DHRS4: variants seen among roughly 807,000 people sequenced by gnomAD.
The protein encoded by DHRS4 is dehydrogenase/reductase 4.
In DHRS4, 20 loss-of-function variants were observed where a neutral mutation model predicts 28.4. The ratio of observed to expected loss-of-function variants is 0.71; its 90% CI spans 0.50 to 1.02. The LOEUF (loss-of-function observed/expected upper bound fraction) is 1.02. Ranked by LOEUF, DHRS4 falls within the 50% of genes least tolerant of loss-of-function variation. DHRS4 has a pLI of 0.00. For missense variants in DHRS4, 378 were observed against 367.2 expected (o/e 1.03, Z -0.24); for synonymous variants, 144 against 146.4 (o/e 0.98, Z 0.12).
intron 6 of DHRS4, 50 bp from the exon 7 acceptor site, chr14:23,967,161 A>G (rs2033657825): frequency 2.6e-6 from 4 of 1,567,086 alleles, no homozygotes; most frequent in South Asian, 2.4e-5. Flanking sequence ...CTCTAAAAAG[A>G]AAAAGAAAAA....
chr14:23,953,935 GT>G lies in DHRS4; in HGVS notation c.128+22del. The G allele has an allele frequency of 6.4e-7, 1 of 1,566,436 alleles. No homozygotes were observed. The highest frequency in any genetic ancestry group is 8.6e-7 in the Non-Finnish European group (1 of 1,156,410). The stretch of plus-strand genomic sequence containing the variant: ...CCGACGGGTGAGTGCTCCGGCCGGA[GT>G]TTCTGAGGCCCTGGCTGCCTGGAAA... On this transcript the variant is annotated intron_variant, in intron 1 of 7. Coordinates refer to ENST00000313250, the MANE Select transcript of DHRS4 (RefSeq NM_021004.4).
chr14:23,965,941 A>C lies in DHRS4; in HGVS notation c.489A>C (p.Ser163=). ...TCTCTTCTTTTTCCAGAGGCGGCTC[A>C]GTGGTGATCGTGTCTTCCATAGCAG... ...VPEMEKRGGG[S]VVIVSSIAAF... The change falls in exon 5 of 8, where the codon TCA becomes TCC. Residue 163 remains serine (S), a synonymous_variant. Coordinates refer to ENST00000313250, the MANE Select transcript of DHRS4 (RefSeq NM_021004.4). 6.2e-7 allele frequency: 1 copy of C among 1,609,224 alleles called. No homozygotes were observed. Among genetic ancestry groups the C allele is most frequent in the Non-Finnish European group, 8.5e-7 (1 of 1,177,090 alleles).
rs374151392 is a variant in DHRS4, at chr14:23,955,051, G to A, written c.145G>A (p.Ala49Thr). 7.4e-6 allele frequency: 12 copies of A among 1,614,156 alleles called. No homozygotes were observed. The highest frequency in any genetic ancestry group is 6.7e-5 in the Admixed American group (4 of 60,026). The change falls in exon 2 of 8, where the codon GCC (alanine) becomes ACC (threonine). Residue 49 changes from alanine (A) to threonine (T), a missense_variant. Physicochemically the swap from Ala to Thr is moderately conservative, Grantham distance 58. Transcript: ENST00000313250. ...TGCTCACAGGATCGGCTTCGCCATC[G>A]CCCGGCGTTTGGCCCAGGACGGGGC... Reference protein sequence around the residue: ...ASTDGIGFAIARRLAQDGAHV... With the variant: ...ASTDGIGFAITRRLAQDGAHV...
In DHRS4 at chr14:23,965,895, C is replaced by G; in HGVS notation, c.480-37C>G. 3 of 1,606,698 alleles carry G rather than the reference C, an allele frequency of 1.9e-6. 1 individual carries two copies. The highest frequency in any genetic ancestry group is 2.6e-6 in the Non-Finnish European group (3 of 1,176,232). ...ACCACACGGGCTGAGGGCACTGGTC[C>G]ACAATGGGAAGATGGTCAGCTCTCT... On this transcript the variant is annotated intron_variant, in intron 4 of 7. Transcript: ENST00000313250.
rs551780878 is a variant in DHRS4, at chr14:23,957,885, A to T, written c.307-2017A>T. ...TTTTATGGTTTGCTGTCTCTGTTCA[A>T]TCAAAACCCAGCCTCCTCCCATCTC... On this transcript the variant is annotated intron_variant, in intron 2 of 7. Transcript: ENST00000313250. Among the ~76,000 whole-genome samples the T allele has an allele frequency of 7.4e-5, 11 of 149,552 alleles. No homozygotes were observed. The South Asian group carries it at 2.1e-3, about 29-fold the overall frequency.
intron 2 of DHRS4, among the ~76,000 whole-genome samples, chr14:23,955,760 G>C (rs535333580): frequency 1.3e-5 from 2 of 152,334 alleles, no homozygotes; most frequent in South Asian, 4.1e-4. Context: ...GAAAGACCCA[G>C]ACCTCCCAGG....
chr14:23,954,842 A>C (rs968503975), intron 1 of DHRS4, among the ~76,000 whole-genome samples, 193 bp from the exon 2 acceptor site: 1 of 152,264 alleles, frequency 6.6e-6, no homozygotes, highest in African/African-American at 2.4e-5. Context: ...GGTCCAGGTC[A>C]TAATAAAAAC....
chr14:23,953,806 G>A lies in DHRS4; in HGVS notation c.18G>A (p.Leu6=), dbSNP rs2032940472. 9.3e-6 allele frequency: 15 copies of A among 1,614,002 alleles called. No individual in the cohort carries two copies. The highest frequency in any genetic ancestry group is 2.2e-5 in the East Asian group (1 of 44,892). MHKAG[L]LGLCARAWNS... ...TCTGATCCATGCACAAGGCGGGGCTGCTAGGCCTCTGTGCCCGGGCTTGGA... is the reference window on the plus strand; with the variant it reads ...TCTGATCCATGCACAAGGCGGGGCTACTAGGCCTCTGTGCCCGGGCTTGGA... Residue 6 remains leucine, a synonymous_variant, in exon 1 of 8, where the codon CTG becomes CTA. Coordinates refer to ENST00000313250, the MANE Select transcript of DHRS4 (RefSeq NM_021004.4).
intron 3 of DHRS4, among the ~76,000 whole-genome samples, chr14:23,960,496 A>G (rs538849372): frequency 6.6e-6 from 1 of 152,180 alleles, no homozygotes; most frequent in African/African-American, 2.4e-5. Flanking sequence ...TTAAAAAAAT[A>G]AAATAAAAAC....
intron 6 of DHRS4, among the ~76,000 whole-genome samples, chr14:23,966,753 GA>G (rs2033635810): frequency 6.6e-6 from 1 of 152,206 alleles, no homozygotes; most frequent in African/African-American, 2.4e-5. Flanking sequence ...CTGGGAGCTA[GA>G]AAAAAATAGG....
rs376455651 is a variant in DHRS4 at position 23,953,928 on chromosome 14, G to T, written c.128+12G>T. On this transcript the variant is annotated intron_variant, in intron 1 of 7. Transcript: ENST00000313250. ...GCCTCCACCGACGGGTGAGTGCTCC[G>T]GCCGGAGTTTCTGAGGCCCTGGCTG... The T allele has an allele frequency of 2.1e-5, 33 of 1,572,162 alleles. No individual in the cohort carries two copies. The highest frequency in any genetic ancestry group is 2.3e-5 in the Non-Finnish European group (27 of 1,159,600).
intron 1 of DHRS4, chr14:23,954,233 C>T: frequency 3.6e-6 from 1 of 278,942 alleles, no homozygotes; most frequent in Non-Finnish European, 6.8e-6. Flanking sequence ...AGACCAGAAA[C>T]TGGAAATCCA....
chr14:23,958,364 G>C lies in DHRS4; in HGVS notation c.307-1538G>C, dbSNP rs145694444. 3.5e-3 allele frequency among the ~76,000 whole-genome samples: 534 copies of C among 152,256 alleles called. 2 individuals are homozygous for C. Among genetic ancestry groups the C allele is most frequent in the Non-Finnish European group, 6.0e-3 (405 of 68,028 alleles). ...CCAAATCCGGAGCACAAAGTTGACC[G>C]AGGGCCCGTGTACTGCAACTTGCCC... On this transcript the variant is annotated intron_variant, in intron 2 of 7. Transcript: ENST00000313250.
rs760225971 is a variant in DHRS4 at position 23,966,021 on chromosome 14, C to A, written c.531+38C>A. On this transcript the variant is annotated intron_variant, in intron 5 of 7. Transcript: ENST00000313250. ...TTGTCTACCTCTTCCATCCCACCCT[C>A]CACTCCACATCTTTCCACCCCTCCT... 5 of 1,608,804 alleles carry A rather than the reference C, an allele frequency of 3.1e-6. No homozygotes were observed. In the South Asian group the frequency reaches 5.5e-5, roughly 18 times the overall value.
intron 5 of DHRS4, 66 bp downstream of exon 5, chr14:23,966,049 T>C: frequency 6.2e-7 from 1 of 1,607,918 alleles, no homozygotes; most frequent in Non-Finnish European, 8.5e-7. Context: ...CCCCTCCTAT[T>C]ACCCAAGGAA....
chr14:23,965,651 T>A lies in DHRS4; in HGVS notation c.409-111T>A, dbSNP rs550521171. 17,156 of 847,734 alleles carry A rather than the reference T, an allele frequency of 0.02. 2,191 individuals are homozygous for A. In the African/African-American group the frequency reaches 0.27, roughly 13 times the overall value. 52.5% of individuals were successfully genotyped at this position (847,734 alleles called of 1,614,324 possible). ...AAGATGCAGGTATATCATCCTAAGA[T>A]CTTCGTCAGCTCTGACAAACATCCT... On this transcript the variant is annotated intron_variant, in intron 3 of 7. Transcript: ENST00000313250.
In DHRS4 at chr14:23,969,062, G is replaced by A. The variant is rs2033760123; in HGVS notation, c.*191G>A. 2 of 1,235,878 alleles carry A rather than the reference G, an allele frequency of 1.6e-6. No individual in the cohort carries two copies. The highest frequency in any genetic ancestry group is 2.2e-6 in the Non-Finnish European group (2 of 922,648). The allele number at this position is 1,235,878 out of a possible 1,614,324, so 76.6% of individuals were successfully genotyped here. A position where few individuals can be genotyped will look rare whatever the true frequency, so the allele number is the denominator to read the frequency against. ...TACTCGGGATTTCTGCTGTTGTTGTGGCCTTGGGTAAAGGCCTCCCCTGAG... is the reference window on the plus strand; with the variant it reads ...TACTCGGGATTTCTGCTGTTGTTGTAGCCTTGGGTAAAGGCCTCCCCTGAG... On this transcript the variant is annotated 3_prime_UTR_variant, in exon 8 of 8. Coordinates refer to ENST00000313250, the MANE Select transcript of DHRS4 (RefSeq NM_021004.4).
chr14:23,962,416 T>C (rs1192501517), intron 3 of DHRS4, among the ~76,000 whole-genome samples: 1 of 149,214 alleles, frequency 6.7e-6, no homozygotes, highest in Non-Finnish European at 1.5e-5. Flanking sequence ...ACTAAGTACC[T>C]ATAATATTCT....
At chr14:23,968,594 T>A (rs1176012571) in intron 7 of DHRS4, among the ~76,000 whole-genome samples, 163 bp from the exon 8 acceptor site, 1 of 151,616 alleles carries the variant, frequency 6.6e-6, no homozygotes, top group East Asian at 1.9e-4. Context: ...TATAACAGCA[T>A]ATCCTCGTGG....
Sources: gnomAD v4.1 joint callset for allele counts (sites outside exome capture counted in the v4.1 genomes callset) on GRCh38, gnomAD v4.1.1 for gene constraint, MANE v1.5 for transcripts, NCBI Gene and HGNC (gene_info 2026-07-23, HGNC 2026-07-21) for gene names.